The following CHD9 variants were observed in gnomAD, a reference collection of about 807,000 sequenced individuals.
CHD9 encodes ATP-dependent chromatin remodeler CHD9.
Under a neutral mutation model 316.1 loss-of-function variants are expected in CHD9, and 77 were observed. The observed-to-expected ratio is 0.24, with a 90% CI of 0.20 to 0.29. CHD9 has a LOEUF of 0.29. Ranked by LOEUF, CHD9 falls within the 10% of genes least tolerant of loss-of-function variation. The pLI is 1.00. For synonymous variants in CHD9, 1,129 were observed against 1,158.3 expected (o/e 0.97, Z 0.51); for missense variants, 2,763 against 3,438.1 (o/e 0.80, Z 4.91).
chr16:53,222,826 A>G (rs1321089701), intron 4 of CHD9, 71 bp downstream of exon 4: 2 of 711,752 alleles, frequency 2.8e-6, no homozygotes, highest in Non-Finnish European at 4.8e-6. Flanking sequence ...ATTGCCTTAT[A>G]GATATTTACA....
At chr16:53,254,208 A>G (rs916968693) in intron 17 of CHD9, among the ~76,000 whole-genome samples, 4 of 152,082 alleles carry the variant, frequency 2.6e-5, no homozygotes, top group Admixed American at 1.3e-4. Flanking sequence ...GTCCTTTGTG[A>G]ATTTATATTC....
At chr16:53,299,857 A>G (rs553995695) in intron 30 of CHD9, 1 of 154,574 alleles carries the variant, frequency 6.5e-6, no homozygotes, top group Non-Finnish European at 1.4e-5. Context: ...AAGTAACATC[A>G]CTTGCCTCAC....
At chr16:53,140,685 T>C (rs1264809681) in intron 1 of CHD9, among the ~76,000 whole-genome samples, 1 of 152,168 alleles carries the variant, frequency 6.6e-6, no homozygotes, top group Non-Finnish European at 1.5e-5. Flanking sequence ...CCTCCTGAGC[T>C]CAAATGATTC....
At chr16:53,093,054 C>T (rs2036084914) in intron 1 of CHD9, among the ~76,000 whole-genome samples, 1 of 152,244 alleles carries the variant, frequency 6.6e-6, no homozygotes, top group African/African-American at 2.4e-5. Flanking sequence ...GTTGGGATTA[C>T]AGGCATGAGC....
chr16:53,300,423 A>G (rs1364837416), intron 30 of CHD9, among the ~76,000 whole-genome samples: 1 of 152,096 alleles, frequency 6.6e-6, no homozygotes, highest in Non-Finnish European at 1.5e-5. Context: ...ACAAAATGCT[A>G]CACAAGTTTG....
chr16:53,309,855 A>T (rs1056700478), intron 34 of CHD9, among the ~76,000 whole-genome samples: 38 of 152,286 alleles, frequency 2.5e-4, no homozygotes, highest in East Asian at 1.5e-3. Context: ...TAAAAAAAAA[A>T]GTTGAGAATG....
intron 22 of CHD9, among the ~76,000 whole-genome samples, chr16:53,268,606 T>G (rs2153002261): frequency 6.6e-6 from 1 of 152,312 alleles, no homozygotes. Flanking sequence ...ATAGCTTATA[T>G]ACATCTTTAG....
At chr16:53,058,024 C>T (rs2032370487) in intron 1 of CHD9, among the ~76,000 whole-genome samples, 1 of 152,234 alleles carries the variant, frequency 6.6e-6, no homozygotes, top group South Asian at 2.1e-4. Flanking sequence ...AGGTAAGCTT[C>T]GTTCAGGCAT....
At chr16:53,094,642 T>TTTTTC (rs1355806653) in intron 1 of CHD9, among the ~76,000 whole-genome samples, 2 of 75,466 alleles carry the variant, frequency 2.7e-5, no homozygotes, top group East Asian at 3.3e-4. Flanking sequence ...TTACTTTTTC[T>TTTTTC]TTTTTTTTTT....
rs1411471934 is a variant in CHD9 at position 53,222,617 on chromosome 16, C to T, written c.1785-27C>T. On this transcript the variant is annotated intron_variant, in intron 3 of 38. Coordinates refer to ENST00000447540, the MANE Select transcript of CHD9 (RefSeq NM_001308319.2). The stretch of plus-strand genomic sequence containing the variant: ...TTTAGGAAAATTCAAAGAATTCATA[C>T]TTTTTATTCTTTTCCTCTTGAAACA... The T allele has an allele frequency of 3.8e-6, 4 of 1,043,766 alleles. No individual in the cohort carries two copies. In the Admixed American group the frequency reaches 9.3e-5, roughly 24 times the overall value. The allele number at this position is 1,043,766 out of a possible 1,614,324, so 64.7% of individuals were successfully genotyped here.
intron 37 of CHD9, 103 bp downstream of exon 37, chr16:53,318,443 A>G (rs1032136851): frequency 1.2e-6 from 1 of 838,388 alleles, no homozygotes; most frequent in Non-Finnish European, 1.8e-6. Context: ...CAGACCTGGA[A>G]ATGAGTTGAA....
chr16:53,219,725 T>C (rs2047081298), intron 3 of CHD9, among the ~76,000 whole-genome samples: 1 of 152,216 alleles, frequency 6.6e-6, no homozygotes. Flanking sequence ...TGAGGCATAC[T>C]TAGTTTCTGT....
At chr16:53,158,764 G>T (rs992394771) in intron 2 of CHD9, among the ~76,000 whole-genome samples, 1 of 151,640 alleles carries the variant, frequency 6.6e-6, no homozygotes, top group African/African-American at 2.4e-5. Context: ...CAGCCTCCTG[G>T]GTAGCTGGGA....
intron 2 of CHD9, among the ~76,000 whole-genome samples, chr16:53,179,016 C>T (rs2043289752): frequency 4.6e-5 from 7 of 150,962 alleles, no homozygotes; most frequent in Admixed American, 3.9e-4. Context: ...TAGCGAGACC[C>T]TGTTTCTAAA....
At chr16:53,189,085 C>T (rs527698908) in intron 2 of CHD9, among the ~76,000 whole-genome samples, 7 of 151,568 alleles carry the variant, frequency 4.6e-5, no homozygotes, top group South Asian at 4.2e-4. Flanking sequence ...TTTGAAAGAT[C>T]GTAGCTTCCA....
rs202119488 is a variant in CHD9 at position 53,318,270 on chromosome 16, A to G, written c.7643A>G (p.Asn2548Ser). 1.6e-4 allele frequency: 255 copies of G among 1,613,180 alleles called. No homozygotes were observed. In the African/African-American group the frequency reaches 2.4e-3, roughly 15 times the overall value. The change falls in exon 37 of 39, where the codon AAT (asparagine) becomes AGT (serine). Residue 2548 changes from asparagine (N) to serine (S), a missense_variant. By Grantham distance (46) the Asn-to-Ser change is conservative. Transcript: ENST00000447540. ...KQKRHRCRNPNKLDVNSLTGE... is the reference protein window; with the variant it reads ...KQKRHRCRNPSKLDVNSLTGE... ...AAAAGACACCGTTGCAGAAACCCCA[A>G]TAAACTAGATGTGAATAGTCTCACT...
intron 3 of CHD9, among the ~76,000 whole-genome samples, chr16:53,210,368 A>G (rs1300200542): frequency 1.3e-5 from 2 of 151,952 alleles, no homozygotes; most frequent in African/African-American, 4.8e-5. Context: ...ACTTCCATAT[A>G]GTCTGATTTA....
chr16:53,202,350 T>G (rs2045530236), intron 2 of CHD9, among the ~76,000 whole-genome samples: 1 of 152,082 alleles, frequency 6.6e-6, no homozygotes, highest in African/African-American at 2.4e-5. Context: ...AATGCAATGC[T>G]CCACATGTTG....
rs767907106 is a variant in CHD9 at position 53,308,790 on chromosome 16, T to C, written c.7158T>C (p.Leu2386=). ...ALGQQQYLTR[L]RELQSASETS... Reference sequence around the variant, plus strand: ...GGCAGCAGCAGTACCTCACTCGGCTTCGAGAGCTTCAAAGTGCATCAGAGA... The same window carrying C: ...GGCAGCAGCAGTACCTCACTCGGCTCCGAGAGCTTCAAAGTGCATCAGAGA... The change falls in exon 34 of 39, where the codon CTT becomes CTC. Residue 2386 remains leucine, a synonymous_variant. Transcript: ENST00000447540. 1.2e-6 allele frequency: 2 copies of C among 1,613,780 alleles called. No individual in the cohort carries two copies. The highest frequency in any genetic ancestry group is 1.7e-6 in the Non-Finnish European group (2 of 1,179,792).
Sources: allele counts gnomAD v4.1 joint callset (sites outside exome capture counted in the v4.1 genomes callset), GRCh38; gene constraint gnomAD v4.1.1; transcripts MANE v1.5; gene names NCBI Gene and HGNC (gene_info 2026-07-23, HGNC 2026-07-21).